Variants in BCL2L13 observed in about 807,000 individuals in gnomAD.
BCL2L13 encodes the protein BCL2 like 13, also known as bcl-2-like protein 13.
A neutral mutation model predicts 25.8 loss-of-function variants in BCL2L13; 13 were observed. That is an observed-to-expected ratio of 0.50 (90% CI 0.33 to 0.80). The LOEUF is 0.80. Ranked by LOEUF, BCL2L13 falls within the 30% of genes least tolerant of loss-of-function variation. BCL2L13 has a pLI of 0.02. For synonymous variants in BCL2L13, 244 were observed against 230.3 expected, an observed-to-expected ratio of 1.06 and a Z score of -0.54; for missense variants, 504 against 574.9, an observed-to-expected ratio of 0.88 and a Z score of 1.26.
intron 1 of BCL2L13, among the ~76,000 whole-genome samples, chr22:17,645,212 A>G (rs1601484615): frequency 1.4e-5 from 2 of 146,762 alleles, no homozygotes; most frequent in South Asian, 4.2e-4. Context: ...TTTACATAAG[A>G]ACTAATAGTA....
intron 2 of BCL2L13, among the ~76,000 whole-genome samples, chr22:17,678,730 A>G (rs908928823): frequency 1.3e-5 from 2 of 152,188 alleles, no homozygotes; most frequent in Admixed American, 1.3e-4. Context: ...TCCCCAGTCT[A>G]TATAAATAGT....
chr22:17,720,154 T>TTTTCTTTCTTTCTTTCTTTCTTTCTTTC (rs113046030), intron 6 of BCL2L13, among the ~76,000 whole-genome samples: 5,901 of 141,796 alleles, frequency 0.042, 330 homozygotes, highest in African/African-American at 0.08. Flanking sequence ...GTGGGTTTCA[T>TTTTCTTTCTTTCTTTCTTTCTTTCTTTC]TTTCTTTCTT....
At chr22:17,690,679 C>T (rs1282767373) in intron 4 of BCL2L13, among the ~76,000 whole-genome samples, 31 of 152,156 alleles carry the variant, frequency 2.0e-4, no homozygotes, top group Admixed American at 1.6e-3. Context: ...GGGAGGATCA[C>T]TTGAGCCCAA....
At position 17,726,837 on chromosome 22, in the gene BCL2L13, T is replaced by C; in HGVS notation, c.761T>C (p.Val254Ala). 6.2e-7 allele frequency: 1 copy of C among 1,613,942 alleles called. No homozygotes were observed. The highest frequency in any genetic ancestry group is 8.5e-7 in the Non-Finnish European group (1 of 1,179,830). ...TTSWQSESLP[V>A]SLSASQSWHT... Reference sequence around the variant, plus strand: ...TCCTGGCAGTCTGAGAGCTTACCTGTGTCACTGTCAGCTAGCCAGAGTTGG... The same window carrying C: ...TCCTGGCAGTCTGAGAGCTTACCTGCGTCACTGTCAGCTAGCCAGAGTTGG... Residue 254 changes from valine to alanine, a missense_variant, in exon 7 of 7, where the codon GTG (valine) becomes GCG (alanine). Physicochemically the swap from Val to Ala is moderately conservative, Grantham distance 64. Transcript: ENST00000317582.
intron 6 of BCL2L13, among the ~76,000 whole-genome samples, chr22:17,716,210 A>C (rs2060941331): frequency 6.6e-6 from 1 of 152,210 alleles, no homozygotes; most frequent in Non-Finnish European, 1.5e-5. Context: ...AGTGGAACTT[A>C]AGCCAGACCC....
At chr22:17,635,203 C>T (rs1358787555), upstream of BCL2L13, among the ~76,000 whole-genome samples, 2 of 150,690 alleles carry the variant, frequency 1.3e-5, no homozygotes, top group African/African-American at 4.9e-5. Flanking sequence ...GCCTGGACAA[C>T]ACAGCAAGAC....
At chr22:17,704,545 G>A (rs1008667019) in intron 6 of BCL2L13, among the ~76,000 whole-genome samples, 1 of 151,934 alleles carries the variant, frequency 6.6e-6, no homozygotes, top group African/African-American at 2.4e-5. Context: ...GGAGGCCAAG[G>A]CAGGCGGATC....
intron 2 of BCL2L13, among the ~76,000 whole-genome samples, chr22:17,661,699 G>C (rs1163564028): frequency 6.9e-6 from 1 of 145,854 alleles, no homozygotes; most frequent in African/African-American, 2.4e-5. Flanking sequence ...GATTAGAATT[G>C]CATAATTATG....
intron 4 of BCL2L13, chr22:17,695,803 ATT>A (rs1488653589): frequency 5.1e-6 from 1 of 194,770 alleles, no homozygotes; most frequent in African/African-American, 2.3e-5. Flanking sequence ...TAATGAGATC[ATT>A]TTTGTTATTA....
intron 6 of BCL2L13, among the ~76,000 whole-genome samples, chr22:17,707,462 G>T (rs531705442): frequency 1.3e-5 from 2 of 152,106 alleles, no homozygotes; most frequent in South Asian, 4.1e-4. Context: ...AGCCCTCAAA[G>T]TTACAAAATG....
At chr22:17,635,147 G>A (rs1756184087), upstream of BCL2L13, among the ~76,000 whole-genome samples, 1 of 151,894 alleles carries the variant, frequency 6.6e-6, no homozygotes, top group African/African-American at 2.4e-5. Context: ...CAGCACTTCA[G>A]GAGGCCAAGG....
intron 2 of BCL2L13, among the ~76,000 whole-genome samples, chr22:17,678,147 C>T (rs1386768647): frequency 6.6e-6 from 1 of 152,100 alleles, no homozygotes; most frequent in Non-Finnish European, 1.5e-5. Flanking sequence ...ATCAGGCTCC[C>T]GAGTATCTTG....
chr22:17,704,995 A>T (rs2060547942), intron 6 of BCL2L13, among the ~76,000 whole-genome samples: 1 of 152,048 alleles, frequency 6.6e-6, no homozygotes, highest in Non-Finnish European at 1.5e-5. Context: ...GGCAAAAAAA[A>T]AAAAAAGTAT....
intron 2 of BCL2L13, among the ~76,000 whole-genome samples, chr22:17,677,889 C>G (rs2059621153): frequency 6.6e-6 from 1 of 151,642 alleles, no homozygotes; most frequent in Non-Finnish European, 1.5e-5. Flanking sequence ...AAAAAAACCC[C>G]ACAAAAATTA....
intron 6 of BCL2L13, among the ~76,000 whole-genome samples, chr22:17,712,207 T>C (rs866434824): frequency 6.6e-6 from 1 of 152,206 alleles, no homozygotes; most frequent in East Asian, 1.9e-4. Flanking sequence ...TACTCAGTAT[T>C]GTATATTAAC....
chr22:17,678,537 T>C (rs1021229787), intron 2 of BCL2L13, among the ~76,000 whole-genome samples: 9 of 152,158 alleles, frequency 5.9e-5, no homozygotes, highest in Non-Finnish European at 1.0e-4. Flanking sequence ...ATAACTTCTT[T>C]ATGGTAGTGG....
rs144977669 is a variant in BCL2L13 at position 17,727,364 on chromosome 22, G to A, written c.1288G>A (p.Glu430Lys). Reference sequence around the variant, plus strand: ...TGTGGAAGAGCTGTCCCCTGCCAGCGAGAAGAAGCCCGTGCCGCCGTCTGA... The same window carrying A: ...TGTGGAAGAGCTGTCCCCTGCCAGCAAGAAGAAGCCCGTGCCGCCGTCTGA... Reference protein sequence around the residue: ...SLVEELSPASEKKPVPPSEGK... With the variant: ...SLVEELSPASKKKPVPPSEGK... Residue 430 changes from glutamate to lysine, a missense_variant, in exon 7 of 7, where the codon GAG (glutamate) becomes AAG (lysine). Coordinates refer to ENST00000317582, the MANE Select transcript of BCL2L13 (RefSeq NM_015367.4). 116 of 1,614,222 alleles carry A rather than the reference G, an allele frequency of 7.2e-5. No individual in the cohort carries two copies. The African/African-American group carries it at 1.2e-3, about 16-fold the overall frequency.
chr22:17,667,698 G>A (rs758582419), intron 2 of BCL2L13, among the ~76,000 whole-genome samples: 4 of 145,942 alleles, frequency 2.7e-5, no homozygotes, highest in Non-Finnish European at 6.0e-5. Context: ...TAGTAGAGAC[G>A]GAGTTTTACC....
At chr22:17,686,802 C>G (rs1262048017) in intron 3 of BCL2L13, among the ~76,000 whole-genome samples, 1 of 152,136 alleles carries the variant, frequency 6.6e-6, no homozygotes, top group East Asian at 1.9e-4. Flanking sequence ...AAACACTGTG[C>G]CCGACCATTA....
Sources: gnomAD v4.1 joint callset for allele counts (sites outside exome capture counted in the v4.1 genomes callset) on GRCh38, gnomAD v4.1.1 for gene constraint, MANE v1.5 for transcripts, NCBI Gene and HGNC (gene_info 2026-07-23, HGNC 2026-07-21) for gene names.